LINGO2: variants seen among roughly 807,000 people sequenced by gnomAD.
LINGO2 encodes the protein leucine rich repeat and Ig domain containing 2.
LINGO2 carries 14 observed loss-of-function variants against 30.6 expected under a neutral mutation model. That is an observed-to-expected ratio of 0.46 (90% CI 0.30 to 0.72). The LOEUF is 0.72. LINGO2 is among the 30% of genes least tolerant of loss of function. The pLI, the probability that LINGO2 is intolerant of heterozygous loss-of-function variation, is 0.07. For synonymous variants in LINGO2, 317 were observed against 288.5 expected, an observed-to-expected ratio of 1.10 and a Z score of -1.00; for missense variants, 729 against 751.7, an observed-to-expected ratio of 0.97 and a Z score of 0.35.
chr9:29,147,465 A>G, the LINGO2 span, among the ~76,000 whole-genome samples: 1 of 152,126 alleles, frequency 6.6e-6, no homozygotes, highest in Non-Finnish European at 1.5e-5. Flanking sequence ...ACTTTCACCA[A>G]GACTTCTGAG....
chr9:28,244,245 A>G (rs1406180887), intron 4 of LINGO2, among the ~76,000 whole-genome samples: 7 of 152,230 alleles, frequency 4.6e-5, no homozygotes, highest in Non-Finnish European at 1.0e-4. Flanking sequence ...TAATGAAATT[A>G]AGGCAGAAAT....
At chr9:28,507,574 T>A (rs74558190) in intron 1 of LINGO2, among the ~76,000 whole-genome samples, 5,874 of 152,174 alleles carry the variant, frequency 0.039, 284 homozygotes, top group African/African-American at 0.1. Flanking sequence ...ACAAAAGATG[T>A]CCAAGATAGG....
chr9:28,795,536 A>C, the LINGO2 span, among the ~76,000 whole-genome samples: 2 of 151,826 alleles, frequency 1.3e-5, no homozygotes, highest in Admixed American at 6.6e-5. Flanking sequence ...TAACTAGTCT[A>C]TTTCTTTATA....
chr9:28,303,727 C>T (rs1564108093), intron 3 of LINGO2, among the ~76,000 whole-genome samples: 2 of 151,654 alleles, frequency 1.3e-5, no homozygotes, highest in Non-Finnish European at 2.9e-5. Context: ...TAATAAATAC[C>T]TTTATGGGTT....
At chr9:28,610,642 C>T (rs922562602) in intron 1 of LINGO2, among the ~76,000 whole-genome samples, 1 of 152,148 alleles carries the variant, frequency 6.6e-6, no homozygotes, top group Admixed American at 6.5e-5. Flanking sequence ...ACTGAAACTG[C>T]CAGTTCCTTG....
intron 2 of LINGO2, among the ~76,000 whole-genome samples, chr9:28,390,251 C>T (rs982908040): frequency 6.6e-6 from 1 of 152,152 alleles, no homozygotes; most frequent in Non-Finnish European, 1.5e-5. Flanking sequence ...TCGCATCCAG[C>T]AGATGACTAC....
intron 1 of LINGO2, among the ~76,000 whole-genome samples, chr9:28,649,282 T>C (rs762022828): frequency 6.6e-6 from 1 of 152,104 alleles, no homozygotes; most frequent in Non-Finnish European, 1.5e-5. Context: ...GCAATAGTAG[T>C]AGTAGAAGTA....
At chr9:28,081,382 C>A (rs1166175624) in intron 4 of LINGO2, among the ~76,000 whole-genome samples, 1 of 151,428 alleles carries the variant, frequency 6.6e-6, no homozygotes, top group Non-Finnish European at 1.5e-5. Flanking sequence ...TATGATGAAC[C>A]ACTTAACAAT....
chr9:29,120,872 A>G, the LINGO2 span, among the ~76,000 whole-genome samples: 1 of 152,166 alleles, frequency 6.6e-6, no homozygotes. Flanking sequence ...TATAAGAACT[A>G]TATAAGGTAT....
chr9:28,810,160 C>T, the LINGO2 span, among the ~76,000 whole-genome samples: 3 of 151,956 alleles, frequency 2.0e-5, no homozygotes, highest in Non-Finnish European at 1.5e-5. Flanking sequence ...AGTTAAGCTG[C>T]TTAGGTCATT....
the LINGO2 span, among the ~76,000 whole-genome samples, chr9:28,796,475 A>G: frequency 6.6e-6 from 1 of 152,130 alleles, no homozygotes; most frequent in East Asian, 1.9e-4. Context: ...TGGCAAGCAC[A>G]GCCTATATAA....
the LINGO2 span, among the ~76,000 whole-genome samples, chr9:29,038,018 A>G: frequency 2.0e-5 from 3 of 152,074 alleles, no homozygotes; most frequent in African/African-American, 7.2e-5. Flanking sequence ...AATACTTCAT[A>G]AAGTATTTAT....
At chr9:28,195,177 T>C (rs972335932) in intron 4 of LINGO2, among the ~76,000 whole-genome samples, 2 of 151,922 alleles carry the variant, frequency 1.3e-5, no homozygotes, top group Admixed American at 6.6e-5. Flanking sequence ...ACAGTAACAG[T>C]GGACACCTAC....
At chr9:28,621,089 C>T (rs543044280) in intron 1 of LINGO2, among the ~76,000 whole-genome samples, 2 of 152,020 alleles carry the variant, frequency 1.3e-5, no homozygotes, top group Non-Finnish European at 2.9e-5. Context: ...CTGTTTAGTA[C>T]TTCCATTATT....
At chr9:28,782,108 T>TA in the LINGO2 span, among the ~76,000 whole-genome samples, 51 of 152,148 alleles carry the variant, frequency 3.4e-4, no homozygotes, top group African/African-American at 1.0e-3. Flanking sequence ...TTACTTTGTT[T>TA]AAAAATATAT....
At chr9:28,703,753 C>T in the LINGO2 span, among the ~76,000 whole-genome samples, 3 of 151,654 alleles carry the variant, frequency 2.0e-5, no homozygotes, top group Non-Finnish European at 4.4e-5. Flanking sequence ...CAGTTGTTGT[C>T]CTAGAATTTG....
the LINGO2 span, among the ~76,000 whole-genome samples, chr9:28,855,998 A>T: frequency 6.6e-6 from 1 of 152,010 alleles, no homozygotes; most frequent in African/African-American, 2.4e-5. Flanking sequence ...AAGCAAGATA[A>T]CTGGGAGGCA....
intron 4 of LINGO2, among the ~76,000 whole-genome samples, chr9:28,185,053 C>T (rs1819494955): frequency 6.6e-6 from 1 of 152,134 alleles, no homozygotes; most frequent in African/African-American, 2.4e-5. Context: ...TTGAGAAATG[C>T]CAGAAAGGCC....
intron 5 of LINGO2, among the ~76,000 whole-genome samples, chr9:27,975,549 A>G (rs1232796628): frequency 6.6e-6 from 1 of 152,148 alleles, no homozygotes; most frequent in South Asian, 2.1e-4. Flanking sequence ...CAAAGCTGAT[A>G]TAAGTTGGAT....
Sources: allele counts gnomAD v4.1 joint callset (sites outside exome capture counted in the v4.1 genomes callset), GRCh38; gene constraint gnomAD v4.1.1; transcripts MANE v1.5; gene names NCBI Gene and HGNC (gene_info 2026-07-23, HGNC 2026-07-21).